Variants in SLC44A2 observed in about 807,000 individuals in gnomAD.
The protein encoded by SLC44A2 is choline transporter-like protein 2.
In SLC44A2, 57 loss-of-function variants were observed where a neutral mutation model predicts 90.8. The observed-to-expected ratio is 0.63, with a 90% CI of 0.51 to 0.78. SLC44A2 has a LOEUF of 0.78. SLC44A2 is among the 30% of genes least tolerant of loss of function. The pLI is 0.00. For synonymous variants in SLC44A2, 355 were observed against 360.7 expected, an observed-to-expected ratio of 0.98 and a Z score of 0.18; for missense variants, 794 against 919.7, an observed-to-expected ratio of 0.86 and a Z score of 1.77.
intron 20 of SLC44A2, among the ~76,000 whole-genome samples, chr19:10,640,283 G>A (rs1031687832): frequency 6.6e-6 from 1 of 151,966 alleles, no homozygotes; most frequent in African/African-American, 2.4e-5. Flanking sequence ...TAGAGACGGG[G>A]TTTCACCCTG....
intron 4 of SLC44A2, among the ~76,000 whole-genome samples, chr19:10,628,268 C>T (rs8109412): frequency 0.8 from 121,567 of 152,130 alleles, 48,680 homozygotes; most frequent in African/African-American, 0.84. Context: ...GCCTGTAATC[C>T]CAGCTACTCA....
At position 10,631,626 on chromosome 19, in the gene SLC44A2, T is replaced by C. The variant is rs962833193; in HGVS notation, c.503T>C (p.Leu168Ser). 3.1e-6 allele frequency: 5 copies of C among 1,613,896 alleles called. No homozygotes were observed. Among genetic ancestry groups the C allele is most frequent in the Non-Finnish European group, 4.2e-6 (5 of 1,180,016 alleles). Residue 168 changes from leucine (L) to serine (S), a missense_variant and splice_region_variant, in exon 8 of 22, where the codon TTG becomes TCG. Leu to Ser is a moderately radical substitution (Grantham distance 145, BLOSUM62 -2). Transcript: ENST00000335757. ...CPAVLIPSKP[L>S]ARRCFPAIHA... ...TGGTGCCATCCTCTGCTCCATGCAG[T>C]GGCCCGGAGATGCTTCCCCGCTATC...
intron 1 of SLC44A2, among the ~76,000 whole-genome samples, chr19:10,607,744 A>ATTT (rs1473860789): frequency 2.4e-5 from 3 of 127,234 alleles, no homozygotes; most frequent in Admixed American, 1.6e-4. Flanking sequence ...TATTATTATT[A>ATTT]TTATTATTTT....
rs188308946 is a variant in SLC44A2, at chr19:10,629,467, G to A, written c.245+1463G>A. On this transcript the variant is annotated intron_variant, in intron 4 of 21. Coordinates refer to ENST00000335757, the MANE Select transcript of SLC44A2 (RefSeq NM_020428.4). ...TAATTTTTGTATTTTTAGTAGAGAC[G>A]GGGTTTCATCATATTGGTCAGGCTG... 3.8e-3 allele frequency among the ~76,000 whole-genome samples: 577 copies of A among 151,250 alleles called. 5 individuals are homozygous for A. Among genetic ancestry groups the A allele is most frequent in the African/African-American group, 0.013 (548 of 41,274 alleles).
chr19:10,610,828 C>T (rs1197349427), intron 1 of SLC44A2, among the ~76,000 whole-genome samples: 19 of 147,300 alleles, frequency 1.3e-4, no homozygotes, highest in African/African-American at 4.0e-4. Flanking sequence ...TTAGTAGAGA[C>T]GGGGTTTCAC....
chr19:10,640,742 C>T (rs1016412130), intron 20 of SLC44A2, among the ~76,000 whole-genome samples: 1 of 152,134 alleles, frequency 6.6e-6, no homozygotes, highest in Non-Finnish European at 1.5e-5. Context: ...CATAAAATTG[C>T]AGCTGCACCA....
chr19:10,634,700 G>C, intron 10 of SLC44A2, 56 bp from the exon 11 acceptor site: 1 of 1,610,364 alleles, frequency 6.2e-7, no homozygotes, highest in Non-Finnish European at 8.5e-7. Context: ...AGTTGTAGCT[G>C]CTTTGCAAAG....
At chr19:10,613,751 T>C (rs2066832744) in intron 1 of SLC44A2, among the ~76,000 whole-genome samples, 2 of 152,052 alleles carry the variant, frequency 1.3e-5, no homozygotes, top group African/African-American at 4.8e-5. Flanking sequence ...GAGGTGGGTT[T>C]GATGTGATTG....
intron 1 of SLC44A2, among the ~76,000 whole-genome samples, chr19:10,605,803 G>T (rs948016735): frequency 7.9e-5 from 12 of 151,954 alleles, no homozygotes; most frequent in Admixed American, 7.2e-4. Flanking sequence ...AGGCCAGCCT[G>T]GCCAACATGG....
At chr19:10,629,439 A>G (rs896663922) in intron 4 of SLC44A2, among the ~76,000 whole-genome samples, 1 of 151,060 alleles carries the variant, frequency 6.6e-6, no homozygotes, top group African/African-American at 2.4e-5. Context: ...CACCATGCCC[A>G]GCTAATTTTT....
In SLC44A2 at chr19:10,638,058, T is replaced by C. The variant is rs1464470734; in HGVS notation, c.1805T>C (p.Phe602Ser). The C allele has an allele frequency of 1.2e-6, 2 of 1,613,710 alleles. No homozygotes were observed. The highest frequency in any genetic ancestry group is 1.7e-6 in the Non-Finnish European group (2 of 1,179,944). Reference sequence around the variant, plus strand: ...CTGGATAAAGTTACTGACTTCCTCTTCCTGTTGGGCAAACTTCTGATCGTT... The same window carrying C: ...CTGGATAAAGTTACTGACTTCCTCTCCCTGTTGGGCAAACTTCTGATCGTT... ...AVLDKVTDFLFLLGKLLIVGS... is the reference protein window; with the variant it reads ...AVLDKVTDFLSLLGKLLIVGS... The change falls in exon 19 of 22, where the codon TTC (phenylalanine) becomes TCC (serine). Residue 602 changes from phenylalanine (F) to serine (S), a missense_variant. Phe to Ser is a radical substitution (Grantham distance 155). Coordinates refer to ENST00000335757, the MANE Select transcript of SLC44A2 (RefSeq NM_020428.4).
In SLC44A2 at chr19:10,631,205, T is replaced by C. The variant is rs1348645884; in HGVS notation, c.330+64T>C. The C allele has an allele frequency of 7.5e-6, 12 of 1,604,318 alleles. No homozygotes were observed. In the East Asian group the frequency reaches 2.7e-4, roughly 36 times the overall value. ...CTTCCCATCCTTTTCCCCCTGTGAA[T>C]GTGGGCTGCGACCTCAGTCCTGAGC... On this transcript the variant is annotated intron_variant, in intron 5 of 21. Transcript: ENST00000335757.
intron 1 of SLC44A2, among the ~76,000 whole-genome samples, chr19:10,608,609 T>G (rs1050393649): frequency 6.6e-6 from 1 of 151,070 alleles, no homozygotes; most frequent in Admixed American, 6.6e-5. Flanking sequence ...GAGGGCCTAT[T>G]TGTATTATTA....
chr19:10,643,420 T>C lies in SLC44A2; in HGVS notation c.*35T>C. ...GCTCCCCACCTCTCAAGGAGTCTCA[T>C]GCCGCAGGGTGCTCAGTAGCTGGGT... On this transcript the variant is annotated 3_prime_UTR_variant, in exon 22 of 22. Coordinates refer to ENST00000335757, the MANE Select transcript of SLC44A2 (RefSeq NM_020428.4). The C allele has an allele frequency of 6.3e-7, 1 of 1,583,168 alleles. No homozygotes were observed. The highest frequency in any genetic ancestry group is 8.6e-7 in the Non-Finnish European group (1 of 1,162,478).
At position 10,643,562 on chromosome 19, in the gene SLC44A2, T is replaced by G; in HGVS notation, c.*177T>G. 2 of 697,382 alleles carry G rather than the reference T, an allele frequency of 2.9e-6. No homozygotes were observed. Among genetic ancestry groups the G allele is most frequent in the Non-Finnish European group, 4.4e-6 (2 of 451,852 alleles). 43.2% of individuals were successfully genotyped at this position (697,382 alleles called of 1,614,324 possible). A position where few individuals can be genotyped will look rare whatever the true frequency, so the allele number is the denominator to read the frequency against. ...GAGAGTCTGGGGCATCTCCTTCTTATGCCAAGGGGCGCTTGGAGTTTTCAT... is the reference window on the plus strand; with the variant it reads ...GAGAGTCTGGGGCATCTCCTTCTTAGGCCAAGGGGCGCTTGGAGTTTTCAT... On this transcript the variant is annotated 3_prime_UTR_variant, in exon 22 of 22. Coordinates refer to ENST00000335757, the MANE Select transcript of SLC44A2 (RefSeq NM_020428.4).
rs756805841 is a variant in SLC44A2 at position 10,635,473 on chromosome 19, T to C, written c.1191T>C (p.Asp397=). 19 of 1,613,832 alleles carry C rather than the reference T, an allele frequency of 1.2e-5. No individual in the cohort carries two copies. In the African/African-American group the frequency reaches 2.3e-4, roughly 19 times the overall value. The change falls in exon 14 of 22, where the codon GAT becomes GAC. Residue 397 remains aspartate (D), a synonymous_variant. Transcript: ENST00000335757. ...TSNEAVYKIF[D]DSPCPFTAKT... The stretch of plus-strand genomic sequence containing the variant: ...ACGAAGCGGTCTATAAGATCTTTGA[T>C]GACAGCCCCTGCCCATTTACTGCGA...
At chr19:10,603,138 C>T (rs535000145) in intron 1 of SLC44A2, among the ~76,000 whole-genome samples, 11 of 152,114 alleles carry the variant, frequency 7.2e-5, no homozygotes, top group Admixed American at 1.3e-4. Context: ...GAAACTTTCC[C>T]CTCCCTGTGC....
chr19:10,642,929 G>A, intron 21 of SLC44A2: 1 of 1,595,092 alleles, frequency 6.3e-7, no homozygotes, highest in South Asian at 1.1e-5. Flanking sequence ...CGGCTCTCAG[G>A]AGCGACCCTA....
At chr19:10,603,136 C>A (rs933269651) in intron 1 of SLC44A2, among the ~76,000 whole-genome samples, 1 of 152,114 alleles carries the variant, frequency 6.6e-6, no homozygotes, top group African/African-American at 2.4e-5. Context: ...GAGAAACTTT[C>A]CCCTCCCTGT....
Sources: allele counts gnomAD v4.1 joint callset (sites outside exome capture counted in the v4.1 genomes callset), GRCh38; gene constraint gnomAD v4.1.1; transcripts MANE v1.5; gene names NCBI Gene and HGNC (gene_info 2026-07-23, HGNC 2026-07-21).